TIAM1: variants seen among roughly 807,000 people sequenced by gnomAD.
TIAM1 encodes rho guanine nucleotide exchange factor TIAM1.
In TIAM1, 65 loss-of-function variants were observed where a neutral mutation model predicts 163.5. The observed-to-expected ratio is 0.40, with a 90% CI of 0.33 to 0.49. The LOEUF is 0.49. Ranked by LOEUF, TIAM1 falls within the 20% of genes least tolerant of loss-of-function variation. The pLI, the probability that TIAM1 is intolerant of heterozygous loss-of-function variation, is 0.77. For missense variants in TIAM1, 1,789 were observed against 2,044.7 expected, an observed-to-expected ratio of 0.87 and a Z score of 2.41; for synonymous variants, 833 against 810.1, an observed-to-expected ratio of 1.03 and a Z score of -0.48.
rs191000656 is a variant in TIAM1, at chr21:31,419,362, T to C, written c.-369+44621A>G. On this transcript the variant is annotated intron_variant, in intron 2 of 28. Coordinates refer to the TIAM1 transcript ENST00000286827. The stretch of plus-strand genomic sequence containing the variant: ...CAATAGAGTGATAAAAACAGGACAG[T>C]GACGCACCTTGTAGAGCGATGTGTC... Among the ~76,000 whole-genome samples, 5 of 152,294 alleles carry C rather than the reference T, an allele frequency of 3.3e-5. No individual in the cohort carries two copies. The East Asian group carries it at 9.6e-4, about 29-fold the overall frequency.
chr21:31,365,518 A>G lies in TIAM1; in HGVS notation c.-368-26096T>C, dbSNP rs1442349438. ...ATTCTCCTGCCTCAGCCTCCCAAGTAGCTGGGACTACAGGCACCCGCCACC... is the reference window on the plus strand; with the variant it reads ...ATTCTCCTGCCTCAGCCTCCCAAGTGGCTGGGACTACAGGCACCCGCCACC... On this transcript the variant is annotated intron_variant, in intron 2 of 28. Coordinates refer to the TIAM1 transcript ENST00000286827. 2.0e-5 allele frequency among the ~76,000 whole-genome samples: 3 copies of G among 149,988 alleles called. No individual in the cohort carries two copies. The East Asian group carries it at 6.0e-4, about 30-fold the overall frequency.
At chr21:31,293,867 A>G (rs2074124931) in intron 2 of TIAM1, among the ~76,000 whole-genome samples, 1 of 152,348 alleles carries the variant, frequency 6.6e-6, no homozygotes, top group Admixed American at 6.5e-5. Flanking sequence ...ACAGATTGGA[A>G]AACACACATA....
At chr21:31,277,827 G>C (rs560000411) in intron 2 of TIAM1, among the ~76,000 whole-genome samples, 51 of 152,108 alleles carry the variant, frequency 3.4e-4, no homozygotes, top group African/African-American at 1.2e-3. Flanking sequence ...AGTCTGGATC[G>C]GGACCTCTTT....
At chr21:31,163,696 A>T (rs2084046952) in intron 16 of TIAM1, among the ~76,000 whole-genome samples, 1 of 152,236 alleles carries the variant, frequency 6.6e-6, no homozygotes, top group Admixed American at 6.5e-5. Flanking sequence ...ATAATAGTTC[A>T]TGTTTGAAAA....
At chr21:31,380,840 C>T (rs1044917915) in intron 2 of TIAM1, among the ~76,000 whole-genome samples, 59 of 152,138 alleles carry the variant, frequency 3.9e-4, no homozygotes, top group African/African-American at 1.3e-3. Context: ...TGCATTGTAC[C>T]GGATCGGTTA....
chr21:31,415,664 TG>T (rs1348817266), intron 2 of TIAM1, among the ~76,000 whole-genome samples: 2 of 152,260 alleles, frequency 1.3e-5, no homozygotes, highest in African/African-American at 2.4e-5. Context: ...TGGCCTCTTC[TG>T]GTTTTACCAT....
At chr21:31,326,698 T>C (rs1435345403) in intron 2 of TIAM1, among the ~76,000 whole-genome samples, 1 of 152,146 alleles carries the variant, frequency 6.6e-6, no homozygotes, top group Admixed American at 6.5e-5. Flanking sequence ...AGATGCTAGA[T>C]GAAAGGCATT....
chr21:31,260,168 AT>A (rs2072376166), intron 4 of TIAM1, among the ~76,000 whole-genome samples: 1 of 145,444 alleles, frequency 6.9e-6, no homozygotes, highest in Non-Finnish European at 1.5e-5. Flanking sequence ...CAAAAAATAT[AT>A]TTTTAATATA....
At chr21:31,153,958 G>C (rs1318776619) in intron 17 of TIAM1, among the ~76,000 whole-genome samples, 3 of 152,052 alleles carry the variant, frequency 2.0e-5, no homozygotes, top group Non-Finnish European at 4.4e-5. Flanking sequence ...CAGCTACTCA[G>C]GAGGCTGAGG....
At chr21:31,303,282 T>C (rs1263599987) in intron 2 of TIAM1, among the ~76,000 whole-genome samples, 1 of 152,218 alleles carries the variant, frequency 6.6e-6, no homozygotes, top group East Asian at 1.9e-4. Context: ...ACTACTGTAC[T>C]GGGTTACCTA....
chr21:31,425,251 G>A (rs908493887), intron 2 of TIAM1, among the ~76,000 whole-genome samples: 1 of 152,096 alleles, frequency 6.6e-6, no homozygotes, highest in African/African-American at 2.4e-5. Context: ...TGCTTGCTCA[G>A]ACTTCACAAC....
intron 1 of TIAM1, among the ~76,000 whole-genome samples, chr21:31,558,267 C>T (rs1373460173): frequency 1.3e-5 from 2 of 152,120 alleles, no homozygotes; most frequent in African/African-American, 4.8e-5. Context: ...GTCCCCGGGA[C>T]CCGACCGCCC....
At chr21:31,444,940 G>A (rs1602294865) in intron 2 of TIAM1, among the ~76,000 whole-genome samples, 1 of 152,250 alleles carries the variant, frequency 6.6e-6, no homozygotes, top group East Asian at 1.9e-4. Flanking sequence ...GGAGGTTGCA[G>A]TGAGCTGAGA....
At chr21:31,388,260 A>ACACACACACACC (rs1413732260) in intron 2 of TIAM1, among the ~76,000 whole-genome samples, 1 of 29,522 alleles carries the variant, frequency 3.4e-5, no homozygotes, top group Non-Finnish European at 7.0e-5. Flanking sequence ...CACACACACA[A>ACACACACACACC]CCTCTTACGT....
chr21:31,393,396 T>A (rs2077000378), intron 2 of TIAM1, among the ~76,000 whole-genome samples: 1 of 152,234 alleles, frequency 6.6e-6, no homozygotes, highest in African/African-American at 2.4e-5. Flanking sequence ...AGGCTGCTTT[T>A]GAGGCATTAC....
At chr21:31,294,104 C>T (rs1340163590) in intron 2 of TIAM1, among the ~76,000 whole-genome samples, 1 of 152,144 alleles carries the variant, frequency 6.6e-6, no homozygotes, top group African/African-American at 2.4e-5. Context: ...TGGGGGGTGT[C>T]CCCAGCAAGT....
intron 2 of TIAM1, among the ~76,000 whole-genome samples, chr21:31,429,612 C>T (rs1364438734): frequency 6.6e-6 from 1 of 152,060 alleles, no homozygotes; most frequent in African/African-American, 2.4e-5. Context: ...GGGGAGTTTG[C>T]ACAGTATGTG....
At chr21:31,273,198 C>T (rs948468924) in intron 3 of TIAM1, among the ~76,000 whole-genome samples, 4 of 152,158 alleles carry the variant, frequency 2.6e-5, no homozygotes, top group Non-Finnish European at 4.4e-5. Flanking sequence ...AGGGTGAGTA[C>T]GGCTCCAGTG....
At chr21:31,327,643 C>CAAAAAAAAAAA (rs373702154) in intron 2 of TIAM1, among the ~76,000 whole-genome samples, 13 of 69,474 alleles carry the variant, frequency 1.9e-4, no homozygotes, top group African/African-American at 7.8e-4. Context: ...GCCGCCATCT[C>CAAAAAAAAAAA]AAAAAAAAAA....
Sources: gnomAD v4.1 joint callset for allele counts (sites outside exome capture counted in the v4.1 genomes callset) on GRCh38, gnomAD v4.1.1 for gene constraint, MANE v1.5 for transcripts, NCBI Gene and HGNC (gene_info 2026-07-23, HGNC 2026-07-21) for gene names.